The following MACF1 variants were observed in gnomAD, a reference collection of about 807,000 sequenced individuals.
MACF1 encodes the protein microtubule-actin cross-linking factor 1.
Under a neutral mutation model 854.8 loss-of-function variants are expected in MACF1, and 193 were observed. The ratio of observed to expected loss-of-function variants is 0.23; its 90% confidence interval spans 0.20 to 0.25. MACF1 has a LOEUF of 0.25. Ranked by LOEUF, MACF1 falls within the 10% of genes least tolerant of loss-of-function variation. The probability of loss-of-function intolerance (pLI) is 1.00; values close to 1 mark genes in which losing one functional copy is unlikely to be tolerated. For synonymous variants in MACF1, 3,185 were observed against 3,226.7 expected, an observed-to-expected ratio of 0.99 and a Z score of 0.44; for missense variants, 7,722 against 8,929.1, an observed-to-expected ratio of 0.86 and a Z score of 5.45.
chr1:39,393,772 G>T (rs1374373457), intron 58 of MACF1, among the ~76,000 whole-genome samples: 1 of 150,138 alleles, frequency 6.7e-6, no homozygotes, highest in Non-Finnish European at 1.5e-5. Context: ...CCATGCCACC[G>T]CAGTCCAGCG....
chr1:39,266,044 C>T (rs1645227884), intron 6 of MACF1, among the ~76,000 whole-genome samples: 1 of 152,108 alleles, frequency 6.6e-6, no homozygotes, highest in South Asian at 2.1e-4. Flanking sequence ...CTGCTCCTTC[C>T]CTAGACCAGT....
intron 2 of MACF1, among the ~76,000 whole-genome samples, chr1:39,241,443 T>A: frequency 6.6e-6 from 1 of 152,070 alleles, no homozygotes; most frequent in East Asian, 1.9e-4. Flanking sequence ...GTGAATCACT[T>A]GAGGTCAGGC....
chr1:39,255,455 A>G (rs1397200988), intron 5 of MACF1, among the ~76,000 whole-genome samples: 1 of 152,250 alleles, frequency 6.6e-6, no homozygotes, highest in Non-Finnish European at 1.5e-5. Flanking sequence ...AGGGTTGCCA[A>G]GCAACAACAG....
At chr1:39,307,901 C>CTTTCTTTTTTTTTTTTT (rs1222230255) in intron 23 of MACF1, among the ~76,000 whole-genome samples, 7 of 50,396 alleles carry the variant, frequency 1.4e-4, no homozygotes, top group Admixed American at 3.0e-4. Context: ...TTCTTTCTTT[C>CTTTCTTTTTTTTTTTTT]TTTTTTTTTT....
chr1:39,338,005 G>A (rs1346769338), intron 38 of MACF1, among the ~76,000 whole-genome samples: 8 of 152,068 alleles, frequency 5.3e-5, no homozygotes, highest in African/African-American at 2.4e-5. Context: ...TCCTGACCTC[G>A]TGATCTGCCC....
chr1:39,484,910 T>A, intron 100 of MACF1, 180 bp downstream of exon 100: 1 of 677,326 alleles, frequency 1.5e-6, no homozygotes, highest in Non-Finnish European at 2.6e-6. Flanking sequence ...CAGCTAGCTT[T>A]AAGCTTTCCT....
At chr1:39,151,675 G>A (rs1281722824) in intron 2 of MACF1, among the ~76,000 whole-genome samples, 2 of 152,018 alleles carry the variant, frequency 1.3e-5, no homozygotes, top group African/African-American at 4.8e-5. Flanking sequence ...ATCTCCTTTG[G>A]AAATCCTTAC....
At chr1:39,429,474 A>G (rs1643830749) in intron 64 of MACF1, 148 bp downstream of exon 64, 3 of 597,058 alleles carry the variant, frequency 5.0e-6, no homozygotes, top group African/African-American at 3.7e-5. Context: ...GTGCTCCAGA[A>G]GGTTGTTTCC....
chr1:39,393,196 A>AAAAAAAAAAAAAAATATAT (rs57576149), intron 58 of MACF1, among the ~76,000 whole-genome samples: 3 of 66,576 alleles, frequency 4.5e-5, no homozygotes, highest in South Asian at 4.2e-4. Context: ...AAAAAAAAAA[A>AAAAAAAAAAAAAAATATAT]ATATATATAT....
Position 39,353,037 on chromosome 1 carries a change from A to G in MACF1, c.11230A>G (p.Lys3744Glu), listed in dbSNP as rs1276909209. The change falls in exon 44 of 101, where the codon AAG becomes GAG. Residue 3744 changes from lysine to glutamate, a missense_variant. Lys to Glu is a moderately conservative substitution (Grantham distance 56). Coordinates refer to ENST00000564288, the MANE Select transcript of MACF1 (RefSeq NM_001394062.1). ...AGCAGCAAAGGAACTGGCAGAGAAC[A>G]AGAAGAAGATCGATGCTCTCCTGGA... ...SKAAKELAENKKKIDALLDWV... is the reference protein window; with the variant it reads ...SKAAKELAENEKKIDALLDWV... 6.2e-7 allele frequency: 1 copy of G among 1,614,000 alleles called. No individual in the cohort carries two copies. Among genetic ancestry groups the G allele is most frequent in the Non-Finnish European group, 8.5e-7 (1 of 1,179,888 alleles).
rs1045780372 is a variant in MACF1 at position 39,334,383 on chromosome 1, A to C, written c.7795A>C (p.Lys2599Gln). Reference protein sequence around the residue: ...SGQRLTLAEAKKEGLLTNEAV... With the variant: ...SGQRLTLAEAQKEGLLTNEAV... The stretch of plus-strand genomic sequence containing the variant: ...TCAGAGATTGACCTTGGCAGAAGCT[A>C]AAAAAGAAGGACTGTTAACTAATGA... Residue 2599 changes from lysine to glutamine, a missense_variant, in exon 37 of 101, where the codon AAA becomes CAA. Around this residue, in one of 15 missense-constraint regions of MACF1, gnomAD observed 1,531 missense variants for 1,601.6 expected, o/e 0.96. Transcript: ENST00000564288. The C allele has an allele frequency of 1.9e-6, 3 of 1,613,970 alleles. No homozygotes were observed. In the African/African-American group the frequency reaches 4.0e-5, roughly 22 times the overall value.
intron 2 of MACF1, among the ~76,000 whole-genome samples, chr1:39,107,736 T>G (rs1471303368): frequency 6.6e-6 from 1 of 152,140 alleles, no homozygotes; most frequent in African/African-American, 2.4e-5. Flanking sequence ...ATGCCACGTA[T>G]TGGTTTTGGA....
At chr1:39,269,221 G>A (rs770833011) in intron 6 of MACF1, 2 of 1,289,986 alleles carry the variant, frequency 1.6e-6, no homozygotes, top group South Asian at 2.5e-5. Flanking sequence ...TGCAGCAGCA[G>A]GGCTGTGTTG....
intron 49 of MACF1, among the ~76,000 whole-genome samples, chr1:39,366,681 G>A (rs1012904000): frequency 6.7e-6 from 1 of 148,482 alleles, no homozygotes. Flanking sequence ...GATTATCTTG[G>A]GTTTTACAAA....
At chr1:39,411,596 C>T in intron 58 of MACF1, 1 of 1,613,860 alleles carries the variant, frequency 6.2e-7, no homozygotes, top group South Asian at 1.1e-5. Context: ...GGACTTGTTT[C>T]AGATTCAGCA....
intron 2 of MACF1, among the ~76,000 whole-genome samples, chr1:39,173,597 C>G (rs1643982722): frequency 6.6e-6 from 1 of 152,176 alleles, no homozygotes; most frequent in Admixed American, 6.5e-5. Flanking sequence ...AACTGTTGAA[C>G]AGTCCCCTCT....
chr1:39,185,291 C>CA (rs61635259), intron 2 of MACF1, among the ~76,000 whole-genome samples: 17,741 of 128,542 alleles, frequency 0.14, 1,896 homozygotes, highest in African/African-American at 0.31. Context: ...GACTCCGTCT[C>CA]AAAAAAAAAA....
intron 99 of MACF1, among the ~76,000 whole-genome samples, chr1:39,482,195 T>G (rs1479212543): frequency 1.3e-5 from 2 of 152,242 alleles, no homozygotes; most frequent in Non-Finnish European, 2.9e-5. Flanking sequence ...CCAGGCCATC[T>G]CCTGACTTGG....
At position 39,441,220 on chromosome 1, in the gene MACF1, C is replaced by T; in HGVS notation, c.18571-4C>T. ...AAGAATCTGATTGAATGTTTTTCCCCTAGATGAATAATGCTTGGGAGAACT... is the reference window on the plus strand; with the variant it reads ...AAGAATCTGATTGAATGTTTTTCCCTTAGATGAATAATGCTTGGGAGAACT... On this transcript the variant is annotated splice_region_variant and splice_polypyrimidine_tract_variant and intron_variant, in intron 73 of 100. Transcript: ENST00000564288. 5 of 1,613,766 alleles carry T rather than the reference C, an allele frequency of 3.1e-6. No homozygotes were observed. Among genetic ancestry groups the T allele is most frequent in the Non-Finnish European group, 4.2e-6 (5 of 1,179,750 alleles).
Sources: gnomAD v4.1 joint callset for allele counts (sites outside exome capture counted in the v4.1 genomes callset) on GRCh38, gnomAD v4.1.1 for gene constraint, gnomAD v4.1.1 regional missense constraint, MANE v1.5 for transcripts, NCBI Gene and HGNC (gene_info 2026-07-23, HGNC 2026-07-21) for gene names.